The following GARNL3 variants were observed in gnomAD, a reference collection of about 807,000 sequenced individuals.
The protein encoded by GARNL3 is GTPase-activating Rap/Ran-GAP domain-like protein 3.
In GARNL3, 63 loss-of-function variants were observed where a neutral mutation model predicts 125.0. That is an observed-to-expected ratio of 0.50 (90% CI 0.41 to 0.62). The LOEUF (loss-of-function observed/expected upper bound fraction) is 0.62, where lower values mean the gene tolerates loss of function less well. Ranked by LOEUF, GARNL3 falls within the 20% of genes least tolerant of loss-of-function variation. The pLI is 0.00. For synonymous variants in GARNL3, 439 were observed against 457.5 expected, an observed-to-expected ratio of 0.96 and a Z score of 0.52; for missense variants, 994 against 1,244.0, an observed-to-expected ratio of 0.80 and a Z score of 3.02.
rs1279289173 is a variant in GARNL3 at position 127,345,424 on chromosome 9, G to A, written c.1378G>A (p.Val460Met). The A allele has an allele frequency of 6.2e-7, 1 of 1,606,700 alleles. No homozygotes were observed. Among genetic ancestry groups the A allele is most frequent in the Non-Finnish European group, 8.5e-7 (1 of 1,176,630 alleles). Reference sequence around the variant, plus strand: ...TAAGGCACTAAAACTGAAATCCATTGTGAGAGGGGATGCTCCATCAAGCTT... The same window carrying A: ...TAAGGCACTAAAACTGAAATCCATTATGAGAGGGGATGCTCCATCAAGCTT... ...IGQALKLKSI[V>M]RGDAPSSLAA... Residue 460 changes from valine (V) to methionine (M), a missense_variant, in exon 16 of 28, where the codon GTG becomes ATG. Physicochemically the swap from Val to Met is conservative, Grantham distance 21. Coordinates refer to ENST00000373387, the MANE Select transcript of GARNL3 (RefSeq NM_032293.5).
intron 18 of GARNL3, 127 bp downstream of exon 18, chr9:127,354,071 T>C: frequency 1.4e-6 from 1 of 730,008 alleles, no homozygotes; most frequent in Admixed American, 2.4e-5. Flanking sequence ...TGATGCTCAG[T>C]GCTTGGGATC....
chr9:127,239,022 C>T (rs1413526464), intron 1 of GARNL3, among the ~76,000 whole-genome samples: 1 of 152,166 alleles, frequency 6.6e-6, no homozygotes, highest in Non-Finnish European at 1.5e-5. Context: ...TGTGCCATCT[C>T]TTCTTACCAG....
At chr9:127,281,564 G>GA (rs2064105770) in intron 1 of GARNL3, among the ~76,000 whole-genome samples, 1 of 152,156 alleles carries the variant, frequency 6.6e-6, no homozygotes, top group Non-Finnish European at 1.5e-5. Context: ...GGCACAGGCA[G>GA]AATAGGATCA....
At chr9:127,391,712 A>C (rs915172071) in intron 27 of GARNL3, among the ~76,000 whole-genome samples, 4 of 150,708 alleles carry the variant, frequency 2.7e-5, no homozygotes, top group Non-Finnish European at 5.9e-5. Flanking sequence ...AAAAAAAAAA[A>C]AAAAAACACT....
At chr9:127,299,580 G>GT (rs1046891599) in intron 2 of GARNL3, among the ~76,000 whole-genome samples, 19 of 151,230 alleles carry the variant, frequency 1.3e-4, no homozygotes, top group East Asian at 5.9e-4. Context: ...TTTTGTTTTT[G>GT]TTTTTTTTGA....
chr9:127,346,373 T>C (rs1564163341), intron 16 of GARNL3, among the ~76,000 whole-genome samples: 1 of 152,220 alleles, frequency 6.6e-6, no homozygotes, highest in Non-Finnish European at 1.5e-5. Context: ...GCCTACGTGC[T>C]TTAAAGTCTG....
intron 11 of GARNL3, among the ~76,000 whole-genome samples, chr9:127,336,606 G>A (rs1829566544): frequency 6.6e-6 from 1 of 152,190 alleles, no homozygotes; most frequent in South Asian, 2.1e-4. Flanking sequence ...AAGATAAAAG[G>A]CCAAAATAAT....
At chr9:127,355,684 C>T (rs148361201) in intron 20 of GARNL3, among the ~76,000 whole-genome samples, 159 of 152,274 alleles carry the variant, frequency 1.0e-3, no homozygotes, top group Middle Eastern at 3.4e-3. Flanking sequence ...GTTCTAGGTA[C>T]GAAGGACACA....
At chr9:127,293,221 G>T (rs1482304336) in intron 2 of GARNL3, among the ~76,000 whole-genome samples, 1 of 152,212 alleles carries the variant, frequency 6.6e-6, no homozygotes, top group African/African-American at 2.4e-5. Flanking sequence ...AAAGCAGTTA[G>T]TGCAGTAAAG....
At chr9:127,288,449 G>A (rs2064315328) in intron 1 of GARNL3, among the ~76,000 whole-genome samples, 1 of 152,194 alleles carries the variant, frequency 6.6e-6, no homozygotes, top group Non-Finnish European at 1.5e-5. Context: ...GTTGTGAGGA[G>A]CCGCTTGGAG....
intron 7 of GARNL3, among the ~76,000 whole-genome samples, chr9:127,329,547 A>G (rs1829095250): frequency 6.6e-6 from 1 of 152,078 alleles, no homozygotes; most frequent in South Asian, 2.1e-4. Flanking sequence ...TCTCCACCTG[A>G]AGCAGAAGAG....
chr9:127,261,407 G>GTTTTT (rs377048911), upstream of GARNL3, among the ~76,000 whole-genome samples: 2 of 117,138 alleles, frequency 1.7e-5, no homozygotes, highest in East Asian at 2.5e-4. Flanking sequence ...TTTTTTGTTG[G>GTTTTT]TTTTTTTTTT....
At chr9:127,231,237 T>TTG (rs1299237014) in intron 1 of GARNL3, among the ~76,000 whole-genome samples, 1 of 139,344 alleles carries the variant, frequency 7.2e-6, no homozygotes, top group Non-Finnish European at 1.5e-5. Flanking sequence ...TGTTTTTTTT[T>TTG]TTTTTTTTGT....
At position 127,357,110 on chromosome 9, in the gene GARNL3, G is replaced by A. The variant is rs533622059; in HGVS notation, c.1936-109G>A. 1.4e-4 allele frequency: 149 copies of A among 1,080,178 alleles called. 2 individuals are homozygous for A. In the South Asian group the frequency reaches 2.0e-3, roughly 15 times the overall value. 66.9% of individuals were successfully genotyped at this position (1,080,178 alleles called of 1,614,324 possible). On this transcript the variant is annotated intron_variant, in intron 20 of 27. Coordinates refer to ENST00000373387, the MANE Select transcript of GARNL3 (RefSeq NM_032293.5). ...CCCTGTAGCACGGGGCTCTGCAGGA[G>A]CCTGGAGAGGGTGCCTTCTCTGTAA...
chr9:127,265,032 G>A lies in GARNL3; in HGVS notation c.144+11G>A. Reference sequence around the variant, plus strand: ...GGATCTGTGGAGCTGGTAAGTTTATGCTGTCTGTTCAGTGGTAGTACATTG... The same window carrying A: ...GGATCTGTGGAGCTGGTAAGTTTATACTGTCTGTTCAGTGGTAGTACATTG... On this transcript the variant is annotated intron_variant, in intron 1 of 27. Transcript: ENST00000373387. The A allele has an allele frequency of 6.2e-7, 1 of 1,610,586 alleles. No homozygotes were observed. The highest frequency in any genetic ancestry group is 8.5e-7 in the Non-Finnish European group (1 of 1,177,824).
At position 127,264,962 on chromosome 9, in the gene GARNL3, G is replaced by A. The variant is rs762581417; in HGVS notation, c.85G>A (p.Glu29Lys). The A allele has an allele frequency of 6.2e-7, 1 of 1,613,280 alleles. No individual in the cohort carries two copies. The highest frequency in any genetic ancestry group is 1.3e-5 in the African/African-American group (1 of 75,024). The change falls in exon 1 of 28, where the codon GAA becomes AAA. Residue 29 changes from glutamate (E) to lysine (K), a missense_variant. Glu to Lys is a moderately conservative substitution (Grantham distance 56). This residue lies in a region of GARNL3 where 37 missense variants were observed against 34.2 expected (regional missense o/e 1.08). Coordinates refer to ENST00000373387, the MANE Select transcript of GARNL3 (RefSeq NM_032293.5). ...MKHFCSSSVSEDLGCRRGDFS... is the reference protein window; with the variant it reads ...MKHFCSSSVSKDLGCRRGDFS... ...GCATTTTTGTTCCAGCTCTGTCTCG[G>A]AAGACCTAGGCTGTAGACGTGGGGA... is the stretch of plus-strand genomic sequence containing the variant.
Position 127,385,236 on chromosome 9 carries a change from G to T in GARNL3, c.2388+91G>T. 1.4e-6 allele frequency: 1 copy of T among 694,872 alleles called. No homozygotes were observed. 43.0% of individuals were successfully genotyped at this position (694,872 alleles called of 1,614,324 possible). ...GAGCACAGAAGCCGCCTCTTGTCAA[G>T]TTAGGCTGATGAAGACCGGTGTCAG... On this transcript the variant is annotated intron_variant, in intron 24 of 27. Transcript: ENST00000373387. This position sits in a 1 kb window ranked among gnomAD's most constrained non-coding sequence, Gnocchi z 4.1.
intron 20 of GARNL3, among the ~76,000 whole-genome samples, chr9:127,355,713 T>G (rs1830653598): frequency 1.3e-5 from 2 of 152,172 alleles, no homozygotes; most frequent in Admixed American, 6.5e-5. Flanking sequence ...CAAAACAAAG[T>G]CTTCTGATGG....
At chr9:127,300,295 A>G in intron 2 of GARNL3, 1 of 251,206 alleles carries the variant, frequency 4.0e-6, no homozygotes, top group South Asian at 4.5e-5. Flanking sequence ...CCACACATTC[A>G]TGTTACATGT....
Sources: gnomAD v4.1 joint callset for allele counts (sites outside exome capture counted in the v4.1 genomes callset) on GRCh38, gnomAD v4.1.1 for gene constraint, gnomAD v4.1.1 regional missense constraint, Gnocchi (gnomAD v3.1) non-coding constraint, MANE v1.5 for transcripts, NCBI Gene and HGNC (gene_info 2026-07-23, HGNC 2026-07-21) for gene names.